Variants in WDR7 observed in about 807,000 individuals in gnomAD.
WDR7 encodes WD repeat domain 7.
A neutral mutation model predicts 169.4 loss-of-function variants in WDR7; 46 were observed. The ratio of observed to expected loss-of-function variants is 0.27; its 90% confidence interval spans 0.21 to 0.35. The LOEUF (loss-of-function observed/expected upper bound fraction) is 0.35. WDR7 is among the 10% of genes least tolerant of loss of function. The pLI is 1.00. For missense variants in WDR7, 1,534 were observed against 1,859.3 expected (o/e 0.83, Z 3.22); for synonymous variants, 612 against 666.8 (o/e 0.92, Z 1.27).
At chr18:56,732,780 C>T (rs1325213956) in intron 14 of WDR7, among the ~76,000 whole-genome samples, 2 of 152,128 alleles carry the variant, frequency 1.3e-5, no homozygotes, top group Non-Finnish European at 2.9e-5. Flanking sequence ...CAGTTACTTC[C>T]AAGGAATCTT....
intron 21 of WDR7, among the ~76,000 whole-genome samples, chr18:56,911,108 G>A (rs1475329249): frequency 6.6e-6 from 1 of 152,146 alleles, no homozygotes; most frequent in Non-Finnish European, 1.5e-5. Context: ...GCTTGCTGCT[G>A]TGGTCAGGCT....
At chr18:56,994,345 C>T (rs923199648) in intron 26 of WDR7, among the ~76,000 whole-genome samples, 1 of 150,622 alleles carries the variant, frequency 6.6e-6, no homozygotes, top group Non-Finnish European at 1.5e-5. Flanking sequence ...TTTAAAGGGG[C>T]ATTTTCATTG....
At chr18:56,757,651 G>A (rs1195336642) in intron 15 of WDR7, among the ~76,000 whole-genome samples, 1 of 152,078 alleles carries the variant, frequency 6.6e-6, no homozygotes, top group Non-Finnish European at 1.5e-5. Context: ...ATACGTACTT[G>A]AAGTTTGCCC....
intron 12 of WDR7, among the ~76,000 whole-genome samples, chr18:56,716,643 A>G (rs181266210): frequency 2.6e-4 from 40 of 152,336 alleles, no homozygotes; most frequent in Non-Finnish European, 5.6e-4. Context: ...CTTATGCCCA[A>G]GATCCAGCAC....
intron 26 of WDR7, among the ~76,000 whole-genome samples, chr18:56,974,362 C>CTTTTTTTTT (rs34901751): frequency 1.4e-4 from 16 of 111,812 alleles, no homozygotes; most frequent in East Asian, 2.4e-4. Flanking sequence ...GCTTTTCTTG[C>CTTTTTTTTT]TTTTTTTTTT....
rs576183707 is a variant in WDR7 at position 56,773,776 on chromosome 18, G to A, written c.2849-3006G>A. 4.6e-5 allele frequency among the ~76,000 whole-genome samples: 7 copies of A among 152,184 alleles called. No homozygotes were observed. The South Asian group carries it at 6.2e-4, about 14-fold the overall frequency. ...AAAGAAAACTTATAAAAAGCCAAAT[G>A]TTGCTCTATAATATCTGGACTAGAT... On this transcript the variant is annotated intron_variant, in intron 16 of 27. Coordinates refer to ENST00000254442, the MANE Select transcript of WDR7 (RefSeq NM_015285.3).
At chr18:56,657,380 C>T (rs2024800805) in intron 1 of WDR7, among the ~76,000 whole-genome samples, 1 of 152,066 alleles carries the variant, frequency 6.6e-6, no homozygotes, top group Non-Finnish European at 1.5e-5. Flanking sequence ...AACTCCTGAC[C>T]TCAGGTTATC....
chr18:56,720,581 C>T (rs963294743), intron 13 of WDR7, among the ~76,000 whole-genome samples: 2 of 152,056 alleles, frequency 1.3e-5, no homozygotes, highest in Admixed American at 6.5e-5. Flanking sequence ...TTTTTCTGAA[C>T]TTTTCTGATG....
chr18:56,766,061 T>C (rs987587771), intron 16 of WDR7, among the ~76,000 whole-genome samples: 2 of 152,102 alleles, frequency 1.3e-5, no homozygotes, highest in Non-Finnish European at 2.9e-5. Flanking sequence ...AGGTTGACTT[T>C]TTATATCTTT....
At chr18:56,690,290 G>T (rs114218647) in intron 7 of WDR7, among the ~76,000 whole-genome samples, 1 of 152,248 alleles carries the variant, frequency 6.6e-6, no homozygotes, top group African/African-American at 2.4e-5. Flanking sequence ...GATAATAATT[G>T]TAAAGGTACT....
At chr18:57,035,998 T>A in the WDR7 span, 1 of 152,380 alleles carries the variant, frequency 6.6e-6, no homozygotes, top group East Asian at 1.9e-4. Flanking sequence ...GATGAGACTC[T>A]GGGTTTGCCC....
intron 27 of WDR7, among the ~76,000 whole-genome samples, chr18:57,024,446 T>C (rs1439925010): frequency 6.6e-6 from 1 of 152,168 alleles, no homozygotes; most frequent in Non-Finnish European, 1.5e-5. Flanking sequence ...GAAAGGATGA[T>C]CTTGAGCAAT....
chr18:56,765,808 A>C (rs1010074159), intron 16 of WDR7, among the ~76,000 whole-genome samples: 2 of 151,882 alleles, frequency 1.3e-5, no homozygotes, highest in South Asian at 2.1e-4. Context: ...GTATGTATCT[A>C]TCTATCTATT....
chr18:56,915,580 A>C (rs1210103332), intron 21 of WDR7, among the ~76,000 whole-genome samples: 1 of 152,254 alleles, frequency 6.6e-6, no homozygotes, highest in South Asian at 2.1e-4. Flanking sequence ...TTTTCTTTTA[A>C]GTATGAGGAA....
At chr18:56,980,092 T>C (rs189730950) in intron 26 of WDR7, among the ~76,000 whole-genome samples, 1 of 152,258 alleles carries the variant, frequency 6.6e-6, no homozygotes, top group East Asian at 1.9e-4. Context: ...AGAGCAAAAG[T>C]AGGGACTCAG....
chr18:56,727,697 G>A (rs1598995106), intron 13 of WDR7, among the ~76,000 whole-genome samples: 2 of 152,166 alleles, frequency 1.3e-5, no homozygotes, highest in Non-Finnish European at 2.9e-5. Flanking sequence ...TGAGATTTGG[G>A]TGGTGACTCA....
At chr18:56,808,229 G>A (rs2044809626) in intron 19 of WDR7, among the ~76,000 whole-genome samples, 1 of 152,118 alleles carries the variant, frequency 6.6e-6, no homozygotes, top group African/African-American at 2.4e-5. Flanking sequence ...CAGGCCTTCT[G>A]CCTGAAAAGA....
intron 20 of WDR7, among the ~76,000 whole-genome samples, chr18:56,862,201 T>C (rs2045814603): frequency 6.6e-6 from 1 of 151,970 alleles, no homozygotes; most frequent in South Asian, 2.1e-4. Flanking sequence ...CTTGGAAGTC[T>C]GCATACTTTA....
At chr18:56,918,137 G>A (rs997201809) in intron 21 of WDR7, among the ~76,000 whole-genome samples, 1 of 152,200 alleles carries the variant, frequency 6.6e-6, no homozygotes, top group African/African-American at 2.4e-5. Flanking sequence ...CAGAGGTGGT[G>A]CTGAGATGTT....
Sources: gnomAD v4.1 joint callset for allele counts (sites outside exome capture counted in the v4.1 genomes callset) on GRCh38, gnomAD v4.1.1 for gene constraint, MANE v1.5 for transcripts, NCBI Gene and HGNC (gene_info 2026-07-23, HGNC 2026-07-21) for gene names.